ACVR2A: variants seen among roughly 807,000 people sequenced by gnomAD.
ACVR2A encodes activin A receptor type 2A.
Under a neutral mutation model 61.4 loss-of-function variants are expected in ACVR2A, and 7 were observed. That is an observed-to-expected ratio of 0.11 (90% CI 0.06 to 0.21). The LOEUF is 0.21. Among genes scored for constraint, ACVR2A ranks in the 10% least tolerant of loss-of-function variants. The pLI is 1.00. For missense variants in ACVR2A, 322 were observed against 621.7 expected (o/e 0.52, Z 5.13); for synonymous variants, 193 against 208.3 (o/e 0.93, Z 0.63).
At chr2:147,884,481 G>T (rs1686382609) in intron 1 of ACVR2A, among the ~76,000 whole-genome samples, 1 of 152,062 alleles carries the variant, frequency 6.6e-6, no homozygotes, top group Non-Finnish European at 1.5e-5. Flanking sequence ...CTTATTCTGG[G>T]CAATATACAG....
intron 1 of ACVR2A, among the ~76,000 whole-genome samples, chr2:147,846,542 C>T (rs1265630998): frequency 6.6e-6 from 1 of 151,872 alleles, no homozygotes; most frequent in Admixed American, 6.6e-5. Flanking sequence ...TGATCAGTTC[C>T]GGGTGGGCTG....
chr2:147,917,706 G>A (rs1017997787), intron 6 of ACVR2A, among the ~76,000 whole-genome samples: 1 of 151,778 alleles, frequency 6.6e-6, no homozygotes, highest in Non-Finnish European at 1.5e-5. Flanking sequence ...ATTTATTTTA[G>A]TGTAGGTAAT....
At chr2:147,882,331 A>C (rs1686325634) in intron 1 of ACVR2A, among the ~76,000 whole-genome samples, 1 of 152,248 alleles carries the variant, frequency 6.6e-6, no homozygotes, top group Non-Finnish European at 1.5e-5. Context: ...GGGGCGGATC[A>C]CTTGAGGTCA....
intron 4 of ACVR2A, among the ~76,000 whole-genome samples, chr2:147,902,116 G>A (rs1205246183): frequency 6.6e-6 from 1 of 151,830 alleles, no homozygotes; most frequent in East Asian, 1.9e-4. Flanking sequence ...TTGTGAGACT[G>A]ATTATCATCT....
intron 4 of ACVR2A, 145 bp downstream of exon 4, chr2:147,900,043 C>T (rs1370002102): frequency 1.1e-6 from 1 of 914,914 alleles, no homozygotes; most frequent in Non-Finnish European, 1.6e-6. Context: ...CTCTAGCTAA[C>T]TTTGCAAACT....
In ACVR2A at chr2:147,922,987, G is replaced by A. The variant is rs768669103; in HGVS notation, c.1092G>A (p.Arg364=). The A allele has an allele frequency of 1.2e-6, 2 of 1,610,464 alleles. No homozygotes were observed. The highest frequency in any genetic ancestry group is 1.7e-6 in the Non-Finnish European group (2 of 1,178,748). ...GDTHGQVGTR[R]YMAPEVLEGA... Reference sequence around the variant, plus strand: ...ATCTTTTTCAGGTTGGTACCCGGAGGTACATGGCTCCAGAGGTATTAGAGG... The same window carrying A: ...ATCTTTTTCAGGTTGGTACCCGGAGATACATGGCTCCAGAGGTATTAGAGG... The change falls in exon 9 of 11, where the codon AGG becomes AGA. Residue 364 remains arginine, a synonymous_variant. Coordinates refer to ENST00000241416, the MANE Select transcript of ACVR2A (RefSeq NM_001616.5).
At chr2:147,925,855 C>T in intron 9 of ACVR2A, 176 bp from the exon 10 acceptor site, 1 of 546,058 alleles carries the variant, frequency 1.8e-6, no homozygotes, top group Non-Finnish European at 3.1e-6. Context: ...ATTTCCCATA[C>T]ATTAGTTTGG....
chr2:147,901,658 A>T (rs140272342), intron 4 of ACVR2A, among the ~76,000 whole-genome samples: 1 of 152,160 alleles, frequency 6.6e-6, no homozygotes, highest in East Asian at 1.9e-4. Context: ...ATGAATTTGT[A>T]TGAATTTCTG....
intron 9 of ACVR2A, among the ~76,000 whole-genome samples, chr2:147,925,461 A>G (rs1352171822): frequency 1.3e-5 from 2 of 151,936 alleles, no homozygotes; most frequent in African/African-American, 4.8e-5. Context: ...TGGGACCCCT[A>G]GTTGGAGAGC....
chr2:147,929,432 T>A lies in ACVR2A; in HGVS notation c.*2158T>A, dbSNP rs1687599210. 6.6e-6 allele frequency: 1 copy of A among 152,188 alleles called. No homozygotes were observed. Among genetic ancestry groups the A allele is most frequent in the African/African-American group, 2.4e-5 (1 of 41,422 alleles). The allele number at this position is 152,188 out of a possible 1,614,324, so 9.4% of individuals were successfully genotyped here. On this transcript the variant is annotated 3_prime_UTR_variant, in exon 11 of 11. Coordinates refer to ENST00000241416, the MANE Select transcript of ACVR2A (RefSeq NM_001616.5). ...ATGAATGTTTGGCTTATGTGAGTACTAGAGATAAAATTTTTAAACCCAGTT... is the reference window on the plus strand; with the variant it reads ...ATGAATGTTTGGCTTATGTGAGTACAAGAGATAAAATTTTTAAACCCAGTT...
rs1157170026 is a variant in ACVR2A at position 147,927,192 on chromosome 2, ATAT to A, written c.1466_1468del (p.Ile489del). ...ATTACCCAGATGCAGAGACTAACAA[ATAT>A]TATTACCACAGAGGACATTGTAACA... On this transcript the variant is annotated inframe_deletion, in exon 11 of 11. Transcript: ENST00000241416. 8 of 1,612,340 alleles carry A rather than the reference ATAT, an allele frequency of 5.0e-6. No homozygotes were observed. Among genetic ancestry groups the A allele is most frequent in the Admixed American group, 3.3e-5 (2 of 59,828 alleles).
intron 2 of ACVR2A, chr2:147,897,181 T>G (rs1157933391): frequency 6.6e-6 from 1 of 152,032 alleles, no homozygotes; most frequent in Non-Finnish European, 1.5e-5. Context: ...GCTAGTTTTG[T>G]ATTTTTAGTA....
chr2:147,913,069 A>G (rs1240895777), intron 4 of ACVR2A, among the ~76,000 whole-genome samples: 1 of 151,814 alleles, frequency 6.6e-6, no homozygotes, highest in Non-Finnish European at 1.5e-5. Flanking sequence ...CTTGAAGTAT[A>G]TGCATTTGGA....
intron 1 of ACVR2A, among the ~76,000 whole-genome samples, chr2:147,888,935 T>C (rs1036767737): frequency 4.6e-5 from 7 of 152,188 alleles, no homozygotes; most frequent in Non-Finnish European, 8.8e-5. Context: ...ACATCAACTG[T>C]AGGTTTTTTG....
intron 4 of ACVR2A, among the ~76,000 whole-genome samples, chr2:147,904,068 A>G (rs1686932261): frequency 6.6e-6 from 1 of 152,000 alleles, no homozygotes; most frequent in South Asian, 2.1e-4. Flanking sequence ...TATTTCAGGC[A>G]TTTATAAGAG....
chr2:147,929,681 A>C lies in ACVR2A; in HGVS notation c.*2407A>C, dbSNP rs902367736. 6.6e-6 allele frequency: 1 copy of C among 152,326 alleles called. No homozygotes were observed. Among genetic ancestry groups the C allele is most frequent in the Non-Finnish European group, 1.5e-5 (1 of 67,960 alleles). The allele number at this position is 152,326 out of a possible 1,614,324, so 9.4% of individuals were successfully genotyped here. A position where few individuals can be genotyped will look rare whatever the true frequency, so the allele number is the denominator to read the frequency against. ...GCAGGGTATTTAGTGTTTGGTTTAC[A>C]GTCAGTGCAGAGTGGGCAAGTTAAC... On this transcript the variant is annotated 3_prime_UTR_variant, in exon 11 of 11. Transcript: ENST00000241416.
chr2:147,881,001 T>C (rs1558801006), intron 1 of ACVR2A, among the ~76,000 whole-genome samples: 1 of 152,214 alleles, frequency 6.6e-6, no homozygotes, highest in Non-Finnish European at 1.5e-5. Context: ...TATAATGTTA[T>C]GAGAAGCTTA....
Position 147,930,385 on chromosome 2 carries a change from T to G in ACVR2A, c.*3111T>G, listed in dbSNP as rs999543127. 3.3e-5 allele frequency: 5 copies of G among 151,324 alleles called. No individual in the cohort carries two copies. Among genetic ancestry groups the G allele is most frequent in the African/African-American group, 1.2e-4 (5 of 41,176 alleles). 9.4% of individuals were successfully genotyped at this position (151,324 alleles called of 1,614,324 possible). A position where few individuals can be genotyped will look rare whatever the true frequency, so the allele number is the denominator to read the frequency against. On this transcript the variant is annotated 3_prime_UTR_variant, in exon 11 of 11. Transcript: ENST00000241416. ...TTTTTTTTTTTTTAAAGAAAGAAGC[T>G]TCATCACAGATACTTTCCAGTTTCT...
At chr2:147,921,152 G>T (rs1226288928) in intron 8 of ACVR2A, among the ~76,000 whole-genome samples, 1 of 152,098 alleles carries the variant, frequency 6.6e-6, no homozygotes, top group East Asian at 1.9e-4. Flanking sequence ...TCCTGGCTCA[G>T]CTTCCTGAGT....
Sources: allele counts gnomAD v4.1 joint callset (sites outside exome capture counted in the v4.1 genomes callset), GRCh38; gene constraint gnomAD v4.1.1; transcripts MANE v1.5; gene names NCBI Gene and HGNC (gene_info 2026-07-23, HGNC 2026-07-21).